The following ADK variants were observed in gnomAD, a reference collection of about 807,000 sequenced individuals.
ADK encodes N6,N6-dimethyladenosine kinase.
ADK carries 24 observed loss-of-function variants against 44.7 expected under a neutral mutation model. The observed-to-expected ratio is 0.54, with a 90% CI of 0.39 to 0.76. ADK has a LOEUF of 0.76. ADK is among the 30% of genes least tolerant of loss of function. The probability of loss-of-function intolerance (pLI) is 0.00; values close to 1 mark genes in which losing one functional copy is unlikely to be tolerated. For synonymous variants in ADK, 128 were observed against 142.6 expected (o/e 0.90, Z 0.73); for missense variants, 321 against 425.1 (o/e 0.76, Z 2.15).
At chr10:74,681,722 C>G (rs1855608753) in intron 10 of ADK, among the ~76,000 whole-genome samples, 1 of 152,006 alleles carries the variant, frequency 6.6e-6, no homozygotes, top group South Asian at 2.1e-4. Flanking sequence ...TGATGGCGGG[C>G]ACCTGTAATC....
chr10:74,348,888 A>G (rs1302506260), intron 4 of ADK, among the ~76,000 whole-genome samples: 1 of 152,094 alleles, frequency 6.6e-6, no homozygotes, highest in Admixed American at 6.6e-5. Flanking sequence ...GGAATGAACA[A>G]AACCTCCAAG....
intron 7 of ADK, among the ~76,000 whole-genome samples, chr10:74,532,580 T>A (rs1041225009): frequency 6.6e-6 from 1 of 151,508 alleles, no homozygotes; most frequent in African/African-American, 2.4e-5. Flanking sequence ...ATCATCTTCA[T>A]ACAAAATCTG....
intron 9 of ADK, among the ~76,000 whole-genome samples, chr10:74,613,755 C>G (rs893807154): frequency 3.9e-5 from 6 of 152,102 alleles, no homozygotes; most frequent in African/African-American, 1.4e-4. Context: ...AAAATGCAAA[C>G]TCTAAAGGAA....
intron 9 of ADK, among the ~76,000 whole-genome samples, chr10:74,650,196 G>C (rs1194306021): frequency 6.6e-6 from 1 of 152,146 alleles, no homozygotes; most frequent in Non-Finnish European, 1.5e-5. Flanking sequence ...GAGGCGGGCA[G>C]ATCATTTGAG....
Position 74,482,580 on chromosome 10 carries a change from A to G in ADK, c.556-42676A>G, listed in dbSNP as rs113691999. Among the ~76,000 whole-genome samples the G allele has an allele frequency of 5.1e-3, 782 of 152,258 alleles. 12 individuals are homozygous for G. The highest frequency in any genetic ancestry group is 0.018 in the African/African-American group (728 of 41,552). On this transcript the variant is annotated intron_variant, in intron 6 of 10. Transcript: ENST00000539909. ...CTTAACTCATCTCAGCATTAACTCA[A>G]AAGTCCACAATCTGAAGTCTAATCA...
At chr10:74,371,877 G>A in intron 4 of ADK, 1 of 1,456,108 alleles carries the variant, frequency 6.9e-7, no homozygotes. Flanking sequence ...CATCCAGGCA[G>A]CCTTCCAAGA....
At chr10:74,336,561 G>A (rs1449389605) in intron 4 of ADK, among the ~76,000 whole-genome samples, 1 of 152,024 alleles carries the variant, frequency 6.6e-6, no homozygotes, top group Admixed American at 6.6e-5. Flanking sequence ...TTAGAAATTA[G>A]GTTTTCAATA....
intron 4 of ADK, among the ~76,000 whole-genome samples, chr10:74,316,466 C>T (rs1840623567): frequency 6.6e-6 from 1 of 152,150 alleles, no homozygotes; most frequent in Admixed American, 6.5e-5. Context: ...CAGTTTCCTT[C>T]ATGCTATTCT....
intron 1 of ADK, among the ~76,000 whole-genome samples, chr10:74,171,896 G>A (rs1367186412): frequency 1.3e-5 from 2 of 151,820 alleles, no homozygotes; most frequent in African/African-American, 2.4e-5. Context: ...GAAAGGCTGG[G>A]GAAGGGAAGT....
intron 3 of ADK, among the ~76,000 whole-genome samples, chr10:74,279,890 TG>T (rs1193101109): frequency 8.6e-5 from 13 of 152,006 alleles, no homozygotes; most frequent in Non-Finnish European, 1.9e-4. Context: ...TAAACTGGTG[TG>T]GTATTATGTA....
intron 6 of ADK, among the ~76,000 whole-genome samples, chr10:74,404,570 C>T (rs1843842004): frequency 6.6e-6 from 1 of 152,128 alleles, no homozygotes; most frequent in Non-Finnish European, 1.5e-5. Flanking sequence ...GACAGTTTTT[C>T]AGTACATGAA....
At chr10:74,628,520 G>C (rs547243148) in intron 9 of ADK, among the ~76,000 whole-genome samples, 1 of 151,470 alleles carries the variant, frequency 6.6e-6, no homozygotes, top group African/African-American at 2.4e-5. Flanking sequence ...AATCTCACTC[G>C]TCTCACCTGG....
At position 74,585,911 on chromosome 10, in the gene ADK, C is replaced by A. The variant is rs529611752; in HGVS notation, c.727-3371C>A. ...CTAAAAAGTCCTTTTCAATTTAGTG[C>A]GATCAGTTCACTTGGAATTATCTCT... On this transcript the variant is annotated intron_variant, in intron 7 of 10. Transcript: ENST00000539909. Among the ~76,000 whole-genome samples the A allele has an allele frequency of 8.5e-5, 13 of 152,290 alleles. No individual in the cohort carries two copies. The South Asian group carries it at 2.1e-3, about 24-fold the overall frequency.
At chr10:74,532,919 CAA>C (rs35774493) in intron 7 of ADK, among the ~76,000 whole-genome samples, 2 of 75,516 alleles carry the variant, frequency 2.6e-5, no homozygotes, top group Non-Finnish European at 2.3e-5. Flanking sequence ...GACTCTGTCT[CAA>C]AAAAAAAAAA....
chr10:74,598,441 C>CT (rs915433699), intron 8 of ADK, among the ~76,000 whole-genome samples: 1,341 of 111,572 alleles, frequency 0.012, 118 homozygotes, highest in Non-Finnish European at 0.018. Context: ...AATCTTATTC[C>CT]TTTTTTTTTT....
chr10:74,504,671 A>G (rs1406192138), intron 6 of ADK, among the ~76,000 whole-genome samples: 2 of 152,002 alleles, frequency 1.3e-5, no homozygotes, highest in Non-Finnish European at 2.9e-5. Context: ...TCCACATGTT[A>G]AGGGAGGGAC....
intron 6 of ADK, among the ~76,000 whole-genome samples, chr10:74,424,779 T>C (rs1844732225): frequency 6.6e-6 from 1 of 152,152 alleles, no homozygotes; most frequent in African/African-American, 2.4e-5. Flanking sequence ...TAATTGTATC[T>C]TCAGCAGTGT....
chr10:74,581,623 C>G (rs1851376822), intron 7 of ADK, among the ~76,000 whole-genome samples: 1 of 151,868 alleles, frequency 6.6e-6, no homozygotes, highest in African/African-American at 2.4e-5. Flanking sequence ...GGAACATAAT[C>G]AAATTGCATA....
intron 4 of ADK, among the ~76,000 whole-genome samples, chr10:74,366,442 A>AT (rs549126110): frequency 1.4e-3 from 212 of 152,244 alleles, no homozygotes; most frequent in Middle Eastern, 3.4e-3. Context: ...TAAAAAAAAT[A>AT]TTTTTTGCTT....
Sources: allele counts gnomAD v4.1 joint callset (sites outside exome capture counted in the v4.1 genomes callset), GRCh38; gene constraint gnomAD v4.1.1; transcripts MANE v1.5; gene names NCBI Gene and HGNC (gene_info 2026-07-23, HGNC 2026-07-21).